Variants in VAT1L observed in about 807,000 individuals in gnomAD.
VAT1L encodes the protein vesicle amine transport 1 like.
Under a neutral mutation model 44.1 loss-of-function variants are expected in VAT1L, and 34 were observed. That is an observed-to-expected ratio of 0.77 (90% CI 0.59 to 1.03). The LOEUF (loss-of-function observed/expected upper bound fraction) is 1.03, where lower values mean the gene tolerates loss of function less well. VAT1L is among the 50% of genes least tolerant of loss of function. VAT1L has a pLI of 0.00. For missense variants in VAT1L, 615 were observed against 538.8 expected (o/e 1.14, Z -1.40); for synonymous variants, 253 against 202.2 (o/e 1.25, Z -2.13).
intron 1 of VAT1L, among the ~76,000 whole-genome samples, chr16:77,793,302 C>T (rs534063323): frequency 1.1e-4 from 16 of 151,952 alleles, no homozygotes; most frequent in South Asian, 2.1e-4. Flanking sequence ...TATTTTTTGT[C>T]GAGACAGAGT....
rs564666745 is a variant in VAT1L, at chr16:77,834,852, C to T, written c.579+9391C>T. 1.4e-4 allele frequency among the ~76,000 whole-genome samples: 21 copies of T among 152,194 alleles called. No individual in the cohort carries two copies. In the South Asian group the frequency reaches 2.7e-3, roughly 20 times the overall value. ...AGTCTATGTCCAAAGCTTACCACCGCGAGCAAAATACTTCTCAGTTTGCTC... is the reference window on the plus strand; with the variant it reads ...AGTCTATGTCCAAAGCTTACCACCGTGAGCAAAATACTTCTCAGTTTGCTC... On this transcript the variant is annotated intron_variant, in intron 3 of 8. Coordinates refer to ENST00000302536, the MANE Select transcript of VAT1L (RefSeq NM_020927.3).
chr16:77,842,377 T>A (rs932802612), intron 3 of VAT1L, among the ~76,000 whole-genome samples: 1 of 152,204 alleles, frequency 6.6e-6, no homozygotes, highest in East Asian at 1.9e-4. Flanking sequence ...AGTGCTTGCA[T>A]TGAGAGGGCT....
At chr16:77,839,549 A>AG (rs1309063008) in intron 3 of VAT1L, among the ~76,000 whole-genome samples, 1,986 of 140,716 alleles carry the variant, frequency 0.014, 52 homozygotes, top group African/African-American at 0.043. Flanking sequence ...AAAAAAAAAA[A>AG]AAAAAAAAAA....
intron 7 of VAT1L, among the ~76,000 whole-genome samples, chr16:77,919,329 G>T (rs1268454296): frequency 6.6e-6 from 1 of 152,172 alleles, no homozygotes; most frequent in Non-Finnish European, 1.5e-5. Context: ...TGATTGGAAA[G>T]GATGCTGGAC....
intron 6 of VAT1L, among the ~76,000 whole-genome samples, chr16:77,882,647 C>T (rs763113583): frequency 6.6e-6 from 1 of 152,238 alleles, no homozygotes; most frequent in Non-Finnish European, 1.5e-5. Context: ...ACTAGGCATT[C>T]AGCTCTATAA....
intron 2 of VAT1L, among the ~76,000 whole-genome samples, chr16:77,821,217 A>G (rs184132578): frequency 1.3e-5 from 2 of 152,186 alleles, no homozygotes; most frequent in African/African-American, 2.4e-5. Flanking sequence ...CTAGTCATGT[A>G]AAAGGATAAG....
intron 1 of VAT1L, among the ~76,000 whole-genome samples, chr16:77,795,953 G>A (rs562115374): frequency 7.8e-4 from 118 of 150,386 alleles, no homozygotes; most frequent in African/African-American, 2.8e-3. Context: ...AGCCTCCCAA[G>A]TAGCTGGGAT....
At chr16:77,815,194 T>A (rs1597175541) in intron 1 of VAT1L, among the ~76,000 whole-genome samples, 1 of 152,240 alleles carries the variant, frequency 6.6e-6, no homozygotes, top group South Asian at 2.1e-4. Context: ...CCACTAATCA[T>A]TGAAGTAGGA....
chr16:77,928,403 G>A (rs1048205554), intron 7 of VAT1L, among the ~76,000 whole-genome samples: 5 of 152,180 alleles, frequency 3.3e-5, no homozygotes, highest in Non-Finnish European at 7.3e-5. Flanking sequence ...TCATGGTTGG[G>A]GGAGAATTCA....
At chr16:77,935,121 C>T (rs1485737368) in intron 7 of VAT1L, among the ~76,000 whole-genome samples, 2 of 152,058 alleles carry the variant, frequency 1.3e-5, no homozygotes, top group African/African-American at 4.8e-5. Flanking sequence ...TTGGTCTGGA[C>T]TTTCTATTGA....
intron 7 of VAT1L, among the ~76,000 whole-genome samples, chr16:77,935,891 G>T (rs1017579992): frequency 2.6e-5 from 4 of 152,206 alleles, no homozygotes; most frequent in Non-Finnish European, 5.9e-5. Context: ...GAATTCTGGT[G>T]TGATCATGTA....
chr16:77,861,215 C>G (rs1043749589), intron 3 of VAT1L, among the ~76,000 whole-genome samples: 2 of 152,178 alleles, frequency 1.3e-5, no homozygotes, highest in Non-Finnish European at 2.9e-5. Context: ...CAGAAATTAA[C>G]ATCACAGATG....
chr16:77,952,118 A>G (rs2018051628), intron 7 of VAT1L, among the ~76,000 whole-genome samples: 1 of 152,180 alleles, frequency 6.6e-6, no homozygotes, highest in Admixed American at 6.5e-5. Context: ...TCTTGATTAC[A>G]TTTTGAAGGG....
intron 7 of VAT1L, among the ~76,000 whole-genome samples, chr16:77,937,328 G>C (rs902835843): frequency 6.6e-6 from 1 of 152,204 alleles, no homozygotes; most frequent in Non-Finnish European, 1.5e-5. Flanking sequence ...TCAGGATCCA[G>C]AGGTTAACTC....
rs2017186140 is a variant in VAT1L at position 77,884,330 on chromosome 16, A to C, written c.883-278A>C. Among the ~76,000 whole-genome samples, 1 of 152,200 alleles carries C rather than the reference A, an allele frequency of 6.6e-6. No individual in the cohort carries two copies. Among genetic ancestry groups the C allele is most frequent in the East Asian group, 1.9e-4 (1 of 5,158 alleles). On this transcript the variant is annotated intron_variant, in intron 6 of 8. Coordinates refer to ENST00000302536, the MANE Select transcript of VAT1L (RefSeq NM_020927.3). The surrounding 1 kb of genome is among the most constrained non-coding windows in gnomAD (Gnocchi z 4.5). ...TCCCAGCTACTCGGGAGGCTGGGGCAGAGAATTACTTGAACCCGGGAGGCA... is the reference window on the plus strand; with the variant it reads ...TCCCAGCTACTCGGGAGGCTGGGGCCGAGAATTACTTGAACCCGGGAGGCA...
Position 77,971,873 on chromosome 16 carries a change from T to C in VAT1L, c.1101T>C (p.Ile367=). 1 of 1,613,900 alleles carries C rather than the reference T, an allele frequency of 6.2e-7. No homozygotes were observed. The highest frequency in any genetic ancestry group is 8.5e-7 in the Non-Finnish European group (1 of 1,179,882). The change falls in exon 8 of 9, where the codon ATT becomes ATC. Residue 367 remains isoleucine (I), a synonymous_variant. Transcript: ENST00000302536. ...LEEVKEAMQR[I]HDRGNIGKLI... Reference sequence around the variant, plus strand: ...AGGTGAAGGAGGCCATGCAGCGGATTCACGACCGAGGGAACATTGGCAAGT... The same window carrying C: ...AGGTGAAGGAGGCCATGCAGCGGATCCACGACCGAGGGAACATTGGCAAGT...
chr16:77,912,042 A>C (rs998916705), intron 7 of VAT1L, among the ~76,000 whole-genome samples: 1 of 152,196 alleles, frequency 6.6e-6, no homozygotes, highest in Non-Finnish European at 1.5e-5. Context: ...GGGTGGGCCC[A>C]CCATACCTCT....
Position 77,971,938 on chromosome 16 carries a change from G to A in VAT1L, c.1161+5G>A, listed in dbSNP as rs753847239. 7.4e-6 allele frequency: 12 copies of A among 1,612,822 alleles called. No individual in the cohort carries two copies. The Admixed American group carries it at 2.0e-4, about 27-fold the overall frequency. Reference sequence around the variant, plus strand: ...GAAAAGACCCCAACTCCACTGGTGAGTGAAAAGCAGAGGAGTCTGTTCAGT... The same window carrying A: ...GAAAAGACCCCAACTCCACTGGTGAATGAAAAGCAGAGGAGTCTGTTCAGT... On this transcript the variant is annotated splice_donor_5th_base_variant and intron_variant, in intron 8 of 8. Coordinates refer to ENST00000302536, the MANE Select transcript of VAT1L (RefSeq NM_020927.3).
At chr16:77,962,501 T>C (rs921197346) in intron 7 of VAT1L, among the ~76,000 whole-genome samples, 2 of 152,042 alleles carry the variant, frequency 1.3e-5, no homozygotes, top group Non-Finnish European at 2.9e-5. Context: ...TCCTCTGGAC[T>C]TGGGAGTCAA....
Sources: allele counts gnomAD v4.1 joint callset (sites outside exome capture counted in the v4.1 genomes callset), GRCh38; gene constraint gnomAD v4.1.1; non-coding constraint Gnocchi (gnomAD v3.1); transcripts MANE v1.5; gene names NCBI Gene and HGNC (gene_info 2026-07-23, HGNC 2026-07-21).